Variants in PTPRK observed in about 807,000 individuals in gnomAD.
The protein encoded by PTPRK is receptor-type tyrosine-protein phosphatase kappa.
In PTPRK, 75 loss-of-function variants were observed where a neutral mutation model predicts 178.0. That is an observed-to-expected ratio of 0.42 (90% confidence interval 0.35 to 0.51). The LOEUF (loss-of-function observed/expected upper bound fraction) is 0.51, where lower values mean the gene tolerates loss of function less well. Among genes scored for constraint, PTPRK ranks in the 20% least tolerant of loss-of-function variants. The pLI, the probability that PTPRK is intolerant of heterozygous loss-of-function variation, is 0.02. For synonymous variants in PTPRK, 637 were observed against 620.6 expected (o/e 1.03, Z -0.39); for missense variants, 1,441 against 1,797.8 (o/e 0.80, Z 3.59).
At chr6:127,996,055 T>C (rs773714170) in intron 17 of PTPRK, among the ~76,000 whole-genome samples, 34 of 152,098 alleles carry the variant, frequency 2.2e-4, no homozygotes, top group Non-Finnish European at 2.5e-4. Context: ...CAGCAGCTAG[T>C]TACAAGTTAA....
chr6:128,010,266 G>C (rs1778904233), intron 13 of PTPRK, among the ~76,000 whole-genome samples: 1 of 151,208 alleles, frequency 6.6e-6, no homozygotes, highest in African/African-American at 2.4e-5. Context: ...GAGTCCAGGT[G>C]ATTCTCAGGA....
intron 3 of PTPRK, among the ~76,000 whole-genome samples, chr6:128,300,844 AAAACTT>A (rs1458281950): frequency 3.9e-5 from 6 of 152,150 alleles, no homozygotes; most frequent in Non-Finnish European, 8.8e-5. Flanking sequence ...CATGTACCCT[AAAACTT>A]AAAGTATAAT....
chr6:128,444,102 C>T (rs548895979), intron 1 of PTPRK, among the ~76,000 whole-genome samples: 4 of 152,244 alleles, frequency 2.6e-5, no homozygotes, highest in African/African-American at 9.6e-5. Context: ...CCACCTGCCT[C>T]GGCTTCCCAA....
At chr6:128,356,182 C>T (rs904531834) in intron 2 of PTPRK, among the ~76,000 whole-genome samples, 1 of 151,974 alleles carries the variant, frequency 6.6e-6, no homozygotes, top group African/African-American at 2.4e-5. Flanking sequence ...CAATTAAACC[C>T]CTCTTCTCCT....
At chr6:127,995,998 G>A (rs1374864702) in intron 17 of PTPRK, among the ~76,000 whole-genome samples, 1 of 152,006 alleles carries the variant, frequency 6.6e-6, no homozygotes, top group East Asian at 1.9e-4. Context: ...CTATTCATAA[G>A]ATACTTTAAA....
intron 2 of PTPRK, among the ~76,000 whole-genome samples, chr6:128,367,437 AACTAT>A (rs1385780943): frequency 6.6e-6 from 1 of 152,184 alleles, no homozygotes. Flanking sequence ...GCTCAAAGCC[AACTAT>A]CGACAAATTC....
chr6:127,990,959 A>T lies in PTPRK; in HGVS notation c.2980-74T>A, dbSNP rs980695804. ...TTAGCCAAGGTGATTTAATTCCAGCAATAACTCCTTGTCACAATTAAAACT... is the reference window on the plus strand; with the variant it reads ...TTAGCCAAGGTGATTTAATTCCAGCTATAACTCCTTGTCACAATTAAAACT... On this transcript the variant is annotated intron_variant, in intron 20 of 29. Coordinates refer to ENST00000368226, the MANE Select transcript of PTPRK (RefSeq NM_002844.4). The T allele has an allele frequency of 1.2e-4, 106 of 860,986 alleles. 1 individual carries two copies. The highest frequency in any genetic ancestry group is 7.4e-4 in the Admixed American group (33 of 44,764). 53.3% of individuals were successfully genotyped at this position (860,986 alleles called of 1,614,324 possible).
intron 14 of PTPRK, chr6:128,006,126 C>T (rs1468825489): frequency 9.3e-7 from 1 of 1,080,994 alleles, no homozygotes; most frequent in Non-Finnish European, 1.3e-6. Context: ...CTGTCACATT[C>T]AATAAAGCAG....
At chr6:128,403,858 C>T (rs1841339857) in intron 1 of PTPRK, among the ~76,000 whole-genome samples, 1 of 152,110 alleles carries the variant, frequency 6.6e-6, no homozygotes, top group Non-Finnish European at 1.5e-5. Flanking sequence ...ACTTCATGTA[C>T]AAAAAGCAAG....
chr6:128,183,846 G>T (rs191409046), intron 7 of PTPRK, among the ~76,000 whole-genome samples: 2 of 151,972 alleles, frequency 1.3e-5, no homozygotes, highest in African/African-American at 2.4e-5. Flanking sequence ...TCACTACTCA[G>T]TTTTAGTCAT....
At chr6:128,493,505 T>C (rs1854171288) in intron 1 of PTPRK, among the ~76,000 whole-genome samples, 1 of 148,670 alleles carries the variant, frequency 6.7e-6, no homozygotes, top group Non-Finnish European at 1.5e-5. Flanking sequence ...GAGCTTGCAG[T>C]GAGCCGAGAT....
Position 127,986,010 on chromosome 6 carries a change from TA to T in PTPRK, c.3097-136del, listed in dbSNP as rs34209700. The stretch of plus-strand genomic sequence containing the variant: ...CTTTACGAAAGACTATGCCTTTTCT[TA>T]AAAAAAAAATATAATAAAATGAAGG... On this transcript the variant is annotated intron_variant, in intron 21 of 29. Transcript: ENST00000368226. 2,062 of 605,968 alleles carry T rather than the reference TA, an allele frequency of 3.4e-3. 1 individual carries two copies. Among genetic ancestry groups the T allele is most frequent in the South Asian group, 4.3e-3 (83 of 19,316 alleles). The allele number at this position is 605,968 out of a possible 1,614,324, so 37.5% of individuals were successfully genotyped here.
chr6:128,455,761 G>A (rs1848310728), intron 1 of PTPRK, among the ~76,000 whole-genome samples: 1 of 152,116 alleles, frequency 6.6e-6, no homozygotes, highest in Admixed American at 6.6e-5. Context: ...TTAGAGGAGA[G>A]AAGAACACAA....
intron 2 of PTPRK, among the ~76,000 whole-genome samples, chr6:128,350,192 G>A (rs1028251381): frequency 1.3e-5 from 2 of 152,046 alleles, no homozygotes; most frequent in African/African-American, 4.8e-5. Flanking sequence ...AGGAGTTGGA[G>A]GATCAAAGAC....
At chr6:128,225,428 G>A (rs1175150031) in intron 5 of PTPRK, among the ~76,000 whole-genome samples, 1 of 152,130 alleles carries the variant, frequency 6.6e-6, no homozygotes, top group Non-Finnish European at 1.5e-5. Context: ...AGGCTGACGT[G>A]AAATTTACAA....
At chr6:128,034,583 G>A (rs1171843824) in intron 13 of PTPRK, among the ~76,000 whole-genome samples, 1 of 152,100 alleles carries the variant, frequency 6.6e-6, no homozygotes, top group Non-Finnish European at 1.5e-5. Flanking sequence ...ACACTCCAAG[G>A]TTGTAAACCT....
intron 7 of PTPRK, among the ~76,000 whole-genome samples, chr6:128,120,804 C>T (rs770292338): frequency 1.2e-4 from 18 of 151,692 alleles, no homozygotes; most frequent in African/African-American, 1.7e-4. Flanking sequence ...GGGAATATAA[C>T]GCTAAAGTAA....
intron 2 of PTPRK, among the ~76,000 whole-genome samples, chr6:128,338,331 G>A (rs1185997463): frequency 6.6e-6 from 1 of 152,060 alleles, no homozygotes. Context: ...AGCAAAATTG[G>A]TGATGCATAA....
At chr6:128,224,150 A>G (rs529269148) in intron 5 of PTPRK, among the ~76,000 whole-genome samples, 29 of 152,306 alleles carry the variant, frequency 1.9e-4, no homozygotes, top group African/African-American at 7.0e-4. Context: ...AGAAGTACTG[A>G]AAAATGAATC....
Sources: gnomAD v4.1 joint callset for allele counts (sites outside exome capture counted in the v4.1 genomes callset) on GRCh38, gnomAD v4.1.1 for gene constraint, MANE v1.5 for transcripts, NCBI Gene and HGNC (gene_info 2026-07-23, HGNC 2026-07-21) for gene names.